ADAP2: variants seen among roughly 807,000 people sequenced by gnomAD.
The protein encoded by ADAP2 is arf-GAP with dual PH domain-containing protein 2.
Under a neutral mutation model 54.9 loss-of-function variants are expected in ADAP2, and 42 were observed. The observed-to-expected ratio is 0.77, with a 90% CI of 0.60 to 0.99. The LOEUF is 0.99. Ranked by LOEUF, ADAP2 falls within the 50% of genes least tolerant of loss-of-function variation. The pLI is 0.00. For missense variants in ADAP2, 429 were observed against 480.4 expected, an observed-to-expected ratio of 0.89 and a Z score of 1.00; for synonymous variants, 177 against 180.1, an observed-to-expected ratio of 0.98 and a Z score of 0.14.
At chr17:30,951,080 G>T (rs776508716) in intron 7 of ADAP2, among the ~76,000 whole-genome samples, 11 of 152,182 alleles carry the variant, frequency 7.2e-5, no homozygotes, top group Non-Finnish European at 1.6e-4. Context: ...AGCTTTAGGG[G>T]TCCACATGTT....
chr17:30,957,791 A>G (rs765525154), intron 10 of ADAP2, 44 bp from the exon 11 acceptor site: 7 of 1,608,646 alleles, frequency 4.4e-6, no homozygotes, highest in Non-Finnish European at 6.0e-6. Context: ...ACAGGACAGC[A>G]TTGGCATGGC....
At chr17:30,933,453 G>T (rs1263131984) in intron 4 of ADAP2, among the ~76,000 whole-genome samples, 1 of 152,024 alleles carries the variant, frequency 6.6e-6, no homozygotes, top group African/African-American at 2.4e-5. Context: ...TTCCCAAGGT[G>T]TCAAGATTAC....
At chr17:30,948,318 C>G (rs1024552244) in intron 6 of ADAP2, among the ~76,000 whole-genome samples, 21 of 152,096 alleles carry the variant, frequency 1.4e-4, no homozygotes, top group Non-Finnish European at 7.4e-5. Context: ...GTGGCTCACG[C>G]CTGTAATCCC....
At chr17:30,955,037 TAA>T (rs1389095997) in intron 9 of ADAP2, among the ~76,000 whole-genome samples, 1 of 152,144 alleles carries the variant, frequency 6.6e-6, no homozygotes, top group Admixed American at 6.6e-5. Context: ...GATGGTTATT[TAA>T]GTTACTATAT....
chr17:30,941,384 G>T (rs34484088), intron 5 of ADAP2, among the ~76,000 whole-genome samples: 25,182 of 152,152 alleles, frequency 0.17, 6,552 homozygotes, highest in African/African-American at 0.56. Flanking sequence ...TTTGTAAACT[G>T]CTAATTTTGT....
chr17:30,924,947 A>C (rs2142503601), intron 2 of ADAP2, among the ~76,000 whole-genome samples: 1 of 146,256 alleles, frequency 6.8e-6, no homozygotes, highest in East Asian at 2.0e-4. Context: ...ATCTTGGCTC[A>C]CTGCAACCTC....
chr17:30,926,946 G>A (rs370391372), intron 3 of ADAP2, 28 bp downstream of exon 3: 1 of 1,560,338 alleles, frequency 6.4e-7, no homozygotes, highest in South Asian at 1.1e-5. Context: ...TAGGGACTGG[G>A]TGAGGGGTCT....
At position 30,944,755 on chromosome 17, in the gene ADAP2, C is replaced by T. The variant is rs941664090; in HGVS notation, c.511-152C>T. ...GATTACAGGCGTAAGCCACTGCGTC[C>T]GGCCAGTATCTGAATTTCGATATGA... On this transcript the variant is annotated intron_variant, in intron 5 of 10. Coordinates refer to ENST00000330889, the MANE Select transcript of ADAP2 (RefSeq NM_018404.3). 124 of 820,650 alleles carry T rather than the reference C, an allele frequency of 1.5e-4. 2 individuals are homozygous for T. The highest frequency in any genetic ancestry group is 1.1e-3 in the Middle Eastern group (3 of 2,644). The allele number at this position is 820,650 out of a possible 1,614,324, so 50.8% of individuals were successfully genotyped here.
intron 3 of ADAP2, among the ~76,000 whole-genome samples, chr17:30,928,672 C>T (rs1292192492): frequency 2.6e-5 from 4 of 152,136 alleles, no homozygotes; most frequent in South Asian, 4.1e-4. Context: ...TGTCTGACAC[C>T]AGGGCCAGGG....
Position 30,958,406 on chromosome 17 carries a change from G to C in ADAP2, c.*537G>C, listed in dbSNP as rs1134142. ...AGCCTGGGTGACAGAGCGAGACTCC[G>C]TATCAGAAAGAAAAAGAGGAACTGA... On this transcript the variant is annotated 3_prime_UTR_variant, in exon 11 of 11. Coordinates refer to ENST00000330889, the MANE Select transcript of ADAP2 (RefSeq NM_018404.3). 6.6e-6 allele frequency: 1 copy of C among 152,172 alleles called. No individual in the cohort carries two copies. Among genetic ancestry groups the C allele is most frequent in the Non-Finnish European group, 1.5e-5 (1 of 68,138 alleles). The allele number at this position is 152,172 out of a possible 1,614,324, so 9.4% of individuals were successfully genotyped here.
chr17:30,930,606 C>T (rs1911401680), intron 3 of ADAP2, among the ~76,000 whole-genome samples: 1 of 152,192 alleles, frequency 6.6e-6, no homozygotes, highest in African/African-American at 2.4e-5. Flanking sequence ...TCCAGCGTGA[C>T]TCTGGAGAAA....
chr17:30,922,702 C>A (rs1910723893), intron 1 of ADAP2, among the ~76,000 whole-genome samples: 1 of 152,242 alleles, frequency 6.6e-6, no homozygotes, highest in Non-Finnish European at 1.5e-5. Context: ...CCTTCTGAGT[C>A]CCTTCACTTC....
At chr17:30,922,913 G>C (rs1910745458) in intron 1 of ADAP2, 27 bp from the exon 2 acceptor site, 1 of 1,608,772 alleles carries the variant, frequency 6.2e-7, no homozygotes, top group Non-Finnish European at 8.5e-7. Flanking sequence ...TTTCCGCTCA[G>C]CTCCTCTCCT....
chr17:30,935,590 T>C (rs1041453359), intron 5 of ADAP2, among the ~76,000 whole-genome samples: 1 of 152,044 alleles, frequency 6.6e-6, no homozygotes, highest in Non-Finnish European at 1.5e-5. Flanking sequence ...AGCACAGGTA[T>C]GGTCAAACAC....
Position 30,956,480 on chromosome 17 carries a change from G to C in ADAP2, c.1111+11G>C. ...CCCTCAACCGGCTTAGTAAGAAGCA[G>C]GAACTGAGGGGTGTTCTTTTGGACA... On this transcript the variant is annotated intron_variant, in intron 10 of 10. Coordinates refer to ENST00000330889, the MANE Select transcript of ADAP2 (RefSeq NM_018404.3). 1 of 1,612,966 alleles carries C rather than the reference G, an allele frequency of 6.2e-7. No individual in the cohort carries two copies. Among genetic ancestry groups the C allele is most frequent in the Non-Finnish European group, 8.5e-7 (1 of 1,179,114 alleles).
At chr17:30,940,514 A>G (rs1196740665) in intron 5 of ADAP2, among the ~76,000 whole-genome samples, 1 of 152,228 alleles carries the variant, frequency 6.6e-6, no homozygotes, top group African/African-American at 2.4e-5. Flanking sequence ...CATGTTGGCC[A>G]GGCTGGTCTC....
chr17:30,937,943 G>T (rs910039563), intron 5 of ADAP2, among the ~76,000 whole-genome samples: 2 of 152,210 alleles, frequency 1.3e-5, no homozygotes, highest in African/African-American at 4.8e-5. Context: ...CTAAACCCAA[G>T]TGGCAGAAGT....
chr17:30,939,588 G>C (rs1912114904), intron 5 of ADAP2, among the ~76,000 whole-genome samples: 2 of 151,938 alleles, frequency 1.3e-5, no homozygotes, highest in African/African-American at 4.8e-5. Flanking sequence ...TGGCTAACAC[G>C]GTGAAATCCC....
intron 5 of ADAP2, among the ~76,000 whole-genome samples, chr17:30,937,709 T>C (rs551367811): frequency 2.6e-5 from 4 of 152,262 alleles, no homozygotes; most frequent in African/African-American, 7.2e-5. Context: ...GTAGAGGCAA[T>C]AGAATTTATT....
Sources: allele counts gnomAD v4.1 joint callset (sites outside exome capture counted in the v4.1 genomes callset), GRCh38; gene constraint gnomAD v4.1.1; transcripts MANE v1.5; gene names NCBI Gene and HGNC (gene_info 2026-07-23, HGNC 2026-07-21).